USP14: variants seen among roughly 807,000 people sequenced by gnomAD.
USP14 encodes the protein ubiquitin carboxyl-terminal hydrolase 14.
USP14 carries 38 observed loss-of-function variants against 76.5 expected under a neutral mutation model. The observed-to-expected ratio is 0.50, with a 90% confidence interval of 0.38 to 0.65. The LOEUF (loss-of-function observed/expected upper bound fraction) is 0.65, where lower values mean the gene tolerates loss of function less well. USP14 is among the 30% of genes least tolerant of loss of function. The pLI is 0.00. For synonymous variants in USP14, 192 were observed against 191.7 expected, an observed-to-expected ratio of 1.00 and a Z score of -0.01; for missense variants, 467 against 586.5, an observed-to-expected ratio of 0.80 and a Z score of 2.10.
At chr18:191,819 C>T (rs1239487088) in intron 5 of USP14, among the ~76,000 whole-genome samples, 1 of 152,086 alleles carries the variant, frequency 6.6e-6, no homozygotes, top group Non-Finnish European at 1.5e-5. Context: ...TTTAGTCACT[C>T]TAATGGGTGT....
At position 214,179 on chromosome 18, in the gene USP14, C is replaced by G. The variant is rs936623240; in HGVS notation, c.*2895C>G. 5 of 158,686 alleles carry G rather than the reference C, an allele frequency of 3.2e-5. No individual in the cohort carries two copies. Among genetic ancestry groups the G allele is most frequent in the African/African-American group, 9.7e-5 (4 of 41,374 alleles). 9.8% of individuals were successfully genotyped at this position (158,686 alleles called of 1,614,324 possible). ...TTTAATGATCAAGACTCGTGGCAGG[C>G]AGAACAAACCATCATTTGTTGATCC... On this transcript the variant is annotated 3_prime_UTR_variant, in exon 16 of 16. Coordinates refer to ENST00000261601, the MANE Select transcript of USP14 (RefSeq NM_005151.4).
chr18:174,477 G>C (rs529899395), intron 3 of USP14, among the ~76,000 whole-genome samples: 1 of 152,008 alleles, frequency 6.6e-6, no homozygotes, highest in African/African-American at 2.4e-5. Context: ...TGTTGGTCAG[G>C]CTGGTCTCAA....
chr18:197,520 A>G lies in USP14; in HGVS notation c.595-96A>G, dbSNP rs895149465. ...TGGCTTAATATTTTTAAAGAAGGAAACCACTTTCTTGCCTAGGAGACAGTG... is the reference window on the plus strand; with the variant it reads ...TGGCTTAATATTTTTAAAGAAGGAAGCCACTTTCTTGCCTAGGAGACAGTG... On this transcript the variant is annotated intron_variant, in intron 7 of 15. Coordinates refer to ENST00000261601, the MANE Select transcript of USP14 (RefSeq NM_005151.4). 3.3e-5 allele frequency: 31 copies of G among 927,156 alleles called. No homozygotes were observed. In the African/African-American group the frequency reaches 5.0e-4, roughly 15 times the overall value. The allele number at this position is 927,156 out of a possible 1,614,324, so 57.4% of individuals were successfully genotyped here. A position where few individuals can be genotyped will look rare whatever the true frequency, so the allele number is the denominator to read the frequency against.
At position 194,556 on chromosome 18, in the gene USP14, A is replaced by G. The variant is rs1206444105; in HGVS notation, c.463+1656A>G. On this transcript the variant is annotated intron_variant, in intron 6 of 15. Transcript: ENST00000261601. Reference sequence around the variant, plus strand: ...TAATTTTTTTCTGAACCATTTTAGAATAAGGCGCCAGACATCCTGAATATT... The same window carrying G: ...TAATTTTTTTCTGAACCATTTTAGAGTAAGGCGCCAGACATCCTGAATATT... Among the ~76,000 whole-genome samples the G allele has an allele frequency of 2.0e-5, 3 of 152,208 alleles. No homozygotes were observed. The East Asian group carries it at 5.8e-4, about 29-fold the overall frequency.
At chr18:191,148 A>G (rs1910074329) in intron 5 of USP14, among the ~76,000 whole-genome samples, 1 of 152,166 alleles carries the variant, frequency 6.6e-6, no homozygotes, top group East Asian at 1.9e-4. Flanking sequence ...TTAATTTCAA[A>G]AATGCCTTTT....
At position 212,013 on chromosome 18, in the gene USP14, G is replaced by A. The variant is rs1910682548; in HGVS notation, c.*729G>A. On this transcript the variant is annotated 3_prime_UTR_variant, in exon 16 of 16. Transcript: ENST00000261601. Reference sequence around the variant, plus strand: ...CTGGTTGCTTATTTTTAGAAAATGAGGACATTTAATAATAATAAAAAAAAA... The same window carrying A: ...CTGGTTGCTTATTTTTAGAAAATGAAGACATTTAATAATAATAAAAAAAAA... 1 of 151,950 alleles carries A rather than the reference G, an allele frequency of 6.6e-6. No homozygotes were observed. The highest frequency in any genetic ancestry group is 2.4e-5 in the African/African-American group (1 of 41,352). 9.4% of individuals were successfully genotyped at this position (151,950 alleles called of 1,614,324 possible).
intron 5 of USP14, among the ~76,000 whole-genome samples, chr18:180,787 A>G (rs879475365): frequency 1.3e-5 from 2 of 151,578 alleles, no homozygotes; most frequent in African/African-American, 4.9e-5. Context: ...ATAGTATTTC[A>G]TGGTTCACTC....
At chr18:192,749 G>T in intron 5 of USP14, 93 bp from the exon 6 acceptor site, 4 of 1,136,682 alleles carry the variant, frequency 3.5e-6, no homozygotes, top group Non-Finnish European at 3.9e-6. Context: ...TGCAGTTGAG[G>T]GTGTCATAAG....
At chr18:179,990 A>G (rs557808397) in intron 4 of USP14, among the ~76,000 whole-genome samples, 9 of 152,202 alleles carry the variant, frequency 5.9e-5, no homozygotes, top group African/African-American at 1.9e-4. Flanking sequence ...CAAGACTAGT[A>G]TGATTATTCT....
chr18:210,864 G>T (rs192918555), intron 15 of USP14, among the ~76,000 whole-genome samples: 31 of 152,290 alleles, frequency 2.0e-4, no homozygotes, highest in South Asian at 1.9e-3. Context: ...CATACATTAT[G>T]TAGCCTCTGG....
intron 3 of USP14, among the ~76,000 whole-genome samples, chr18:170,033 G>C (rs1412816563): frequency 6.6e-6 from 1 of 152,080 alleles, no homozygotes; most frequent in East Asian, 1.9e-4. Flanking sequence ...TGAGCGCGGT[G>C]GCTCACACCT....
intron 3 of USP14, among the ~76,000 whole-genome samples, chr18:171,485 G>A (rs1909462618): frequency 1.3e-5 from 2 of 152,152 alleles, no homozygotes; most frequent in Admixed American, 6.5e-5. Flanking sequence ...TCTGTTTATA[G>A]TATGGAGTAC....
chr18:170,313 CAAAT>C lies in USP14; in HGVS notation c.195+3513_195+3516del, dbSNP rs200069635. 3.6e-3 allele frequency among the ~76,000 whole-genome samples: 552 copies of C among 151,878 alleles called. 1 individual carries two copies. Among genetic ancestry groups the C allele is most frequent in the African/African-American group, 0.012 (501 of 41,434 alleles). ...AGCGAGACTCTGTCTCAAAAATAAA[CAAAT>C]AAATAAATAAATAAATAACCCTACA... On this transcript the variant is annotated intron_variant, in intron 3 of 15. Transcript: ENST00000261601.
rs1909180688 is a variant in USP14, at chr18:163,431, T to C, written c.140T>C (p.Met47Thr). The C allele has an allele frequency of 1.2e-6, 2 of 1,613,674 alleles. No individual in the cohort carries two copies. The highest frequency in any genetic ancestry group is 1.7e-6 in the Non-Finnish European group (2 of 1,179,862). ...GTCCAGCCTGCCAGACAGAAAGTTA[T>C]GGTGAAAGGAGGAACGCTAAAGGTA... is the stretch of plus-strand genomic sequence containing the variant. ...TGVQPARQKV[M>T]VKGGTLKDDD... is the part of the protein sequence containing the mutation. Residue 47 changes from methionine (M) to threonine (T), a missense_variant, in exon 2 of 16, where the codon ATG (methionine) becomes ACG (threonine). Coordinates refer to ENST00000261601, the MANE Select transcript of USP14 (RefSeq NM_005151.4).
At chr18:161,313 A>G (rs973651221) in intron 1 of USP14, among the ~76,000 whole-genome samples, 3 of 151,372 alleles carry the variant, frequency 2.0e-5, no homozygotes, top group Admixed American at 1.3e-4. Flanking sequence ...CTTTCCCTTC[A>G]CTCTGGTAAT....
intron 3 of USP14, among the ~76,000 whole-genome samples, chr18:175,939 T>C (rs1049851139): frequency 2.0e-5 from 3 of 152,162 alleles, no homozygotes; most frequent in Non-Finnish European, 4.4e-5. Context: ...TATTTAGATA[T>C]TATGTTTTCT....
intron 3 of USP14, among the ~76,000 whole-genome samples, chr18:175,307 GA>G (rs1449929329): frequency 6.6e-6 from 1 of 152,054 alleles, no homozygotes; most frequent in African/African-American, 2.4e-5. Flanking sequence ...AAACAATGCT[GA>G]GTAGAAGTGG....
Position 162,007 on chromosome 18 carries a change from G to A in USP14, c.17-1301G>A, listed in dbSNP as rs1329544782. ...AACACCATTCTCTTTTTGTATGTAT[G>A]AATTTGACCACTTTAGGTATCTCAT... On this transcript the variant is annotated intron_variant, in intron 1 of 15. Coordinates refer to ENST00000261601, the MANE Select transcript of USP14 (RefSeq NM_005151.4). Among the ~76,000 whole-genome samples the A allele has an allele frequency of 3.3e-5, 5 of 152,264 alleles. No homozygotes were observed. The East Asian group carries it at 9.6e-4, about 29-fold the overall frequency.
chr18:204,972 G>A (rs1028936742), intron 13 of USP14, among the ~76,000 whole-genome samples: 1 of 151,056 alleles, frequency 6.6e-6, no homozygotes, highest in African/African-American at 2.4e-5. Flanking sequence ...CCTCCCAGGC[G>A]CAAATGATCC....
Sources: allele counts gnomAD v4.1 joint callset (sites outside exome capture counted in the v4.1 genomes callset), GRCh38; gene constraint gnomAD v4.1.1; transcripts MANE v1.5; gene names NCBI Gene and HGNC (gene_info 2026-07-23, HGNC 2026-07-21).